The following LRRC1 variants were observed in gnomAD, a reference collection of about 807,000 sequenced individuals.
The protein encoded by LRRC1 is leucine-rich repeat-containing protein 1.
In LRRC1, 28 loss-of-function variants were observed where a neutral mutation model predicts 69.9. The observed-to-expected ratio is 0.40, with a 90% CI of 0.30 to 0.55. The LOEUF (loss-of-function observed/expected upper bound fraction) is 0.55, where lower values mean the gene tolerates loss of function less well. Ranked by LOEUF, LRRC1 falls within the 20% of genes least tolerant of loss-of-function variation. LRRC1 has a pLI of 0.47. For synonymous variants in LRRC1, 236 were observed against 240.2 expected (o/e 0.98, Z 0.16); for missense variants, 498 against 609.0 (o/e 0.82, Z 1.92).
intron 6 of LRRC1, 80 bp from the exon 7 acceptor site, chr6:53,897,205 T>C (rs980456509): frequency 4.3e-6 from 4 of 926,328 alleles, no homozygotes; most frequent in Non-Finnish European, 6.7e-6. Flanking sequence ...TGTTAACAGA[T>C]GAATTCAGTT....
intron 8 of LRRC1, among the ~76,000 whole-genome samples, chr6:53,901,612 C>T (rs1461719955): frequency 6.6e-6 from 1 of 151,896 alleles, no homozygotes; most frequent in African/African-American, 2.4e-5. Flanking sequence ...AAATGAGTAC[C>T]TTGTCACTAG....
rs370583469 is a variant in LRRC1, at chr6:53,920,459, G to T, written c.1280-166G>T. 1.0e-3 allele frequency: 600 copies of T among 577,784 alleles called. 5 individuals carry two copies. The highest frequency in any genetic ancestry group is 9.8e-3 in the African/African-American group (524 of 53,732). 35.8% of individuals were successfully genotyped at this position (577,784 alleles called of 1,614,324 possible). On this transcript the variant is annotated intron_variant, in intron 12 of 13. Transcript: ENST00000370888. ...TTTTCTTTTTGTTTTTGAATTTTGTGTGTGTTTGTGTTTTAAAGCCAAACT... is the reference window on the plus strand; with the variant it reads ...TTTTCTTTTTGTTTTTGAATTTTGTTTGTGTTTGTGTTTTAAAGCCAAACT...
chr6:53,815,601 T>C (rs1333202487), intron 1 of LRRC1, among the ~76,000 whole-genome samples: 1 of 152,222 alleles, frequency 6.6e-6, no homozygotes, highest in Non-Finnish European at 1.5e-5. Context: ...CAGTTGTTTA[T>C]AATTTTGTCC....
At chr6:53,804,360 A>G (rs1396528835) in intron 1 of LRRC1, among the ~76,000 whole-genome samples, 1 of 152,132 alleles carries the variant, frequency 6.6e-6, no homozygotes, top group Non-Finnish European at 1.5e-5. Flanking sequence ...AATACCCATC[A>G]CCTCACATAT....
At chr6:53,798,206 C>T (rs1204712321) in intron 1 of LRRC1, among the ~76,000 whole-genome samples, 5 of 152,082 alleles carry the variant, frequency 3.3e-5, no homozygotes, top group Non-Finnish European at 7.3e-5. Context: ...TGCATCAGAT[C>T]CCTCATCTTC....
At chr6:53,868,572 C>T (rs373024964) in intron 2 of LRRC1, among the ~76,000 whole-genome samples, 122 of 152,244 alleles carry the variant, frequency 8.0e-4, no homozygotes, top group African/African-American at 2.7e-3. Context: ...TGGAAAACAG[C>T]GGTCATCTCT....
chr6:53,811,392 A>G (rs926361675), intron 1 of LRRC1, among the ~76,000 whole-genome samples: 1 of 152,204 alleles, frequency 6.6e-6, no homozygotes, highest in African/African-American at 2.4e-5. Flanking sequence ...CAGAGGGTCA[A>G]CAGTAGCACA....
chr6:53,904,411 G>A lies in LRRC1; in HGVS notation c.939G>A (p.Lys313=), dbSNP rs1182568256. The change falls in exon 10 of 14, where the codon AAG becomes AAA. Residue 313 remains lysine (K), a synonymous_variant. Transcript: ENST00000370888. The stretch of plus-strand genomic sequence containing the variant: ...CTAAAAGCATTGGAAAACTAAAGAA[G>A]TTGAGCAACTTGAATGCAGACAGAA... ...TLPKSIGKLK[K]LSNLNADRNK... is the part of the protein sequence containing the mutation. The A allele has an allele frequency of 6.2e-7, 1 of 1,612,282 alleles. No individual in the cohort carries two copies. The highest frequency in any genetic ancestry group is 8.5e-7 in the Non-Finnish European group (1 of 1,179,188).
rs10580267 is a variant in LRRC1, at chr6:53,812,689, CAAA to C, written c.159+17297_159+17299del. On this transcript the variant is annotated intron_variant, in intron 1 of 13. Transcript: ENST00000370888. ...TGGGCAAGAGTGCAAGACTCCGTCT[CAAA>C]AAAAAAAAAAAAAAAAAAAAAATTT... Among the ~76,000 whole-genome samples, 760 of 79,098 alleles carry C rather than the reference CAAA, an allele frequency of 9.6e-3. 3 individuals are homozygous for C. Among genetic ancestry groups the C allele is most frequent in the South Asian group, 0.05 (104 of 2,076 alleles). The allele number at this position is 79,098 out of a possible 152,430, so 51.9% of individuals were successfully genotyped here.
chr6:53,882,025 G>A (rs1767307594), intron 3 of LRRC1, among the ~76,000 whole-genome samples: 1 of 152,050 alleles, frequency 6.6e-6, no homozygotes, highest in Admixed American at 6.5e-5. Flanking sequence ...TCAAGTGGTT[G>A]GCAACTTAAA....
intron 8 of LRRC1, 67 bp downstream of exon 8, chr6:53,899,958 CTT>C (rs1767996423): frequency 7.2e-7 from 1 of 1,382,150 alleles, no homozygotes; most frequent in African/African-American, 1.5e-5. Context: ...TTGGGGCACA[CTT>C]TGATCCTTTG....
intron 11 of LRRC1, among the ~76,000 whole-genome samples, chr6:53,915,228 G>A (rs1768526429): frequency 6.6e-6 from 1 of 152,098 alleles, no homozygotes; most frequent in Non-Finnish European, 1.5e-5. Context: ...GGTCATTTTG[G>A]TCAGGCACGG....
intron 3 of LRRC1, among the ~76,000 whole-genome samples, chr6:53,882,368 A>G (rs1249645111): frequency 1.3e-5 from 2 of 152,194 alleles, no homozygotes; most frequent in East Asian, 1.9e-4. Flanking sequence ...GAAAGTAGCA[A>G]TTGTCTGTCA....
At chr6:53,876,377 C>T (rs1767069978) in intron 2 of LRRC1, among the ~76,000 whole-genome samples, 1 of 152,142 alleles carries the variant, frequency 6.6e-6, no homozygotes. Context: ...CCATATCATT[C>T]TGCCCCTGGC....
intron 4 of LRRC1, among the ~76,000 whole-genome samples, chr6:53,891,150 C>A (rs1581902838): frequency 1.3e-5 from 2 of 152,188 alleles, no homozygotes; most frequent in East Asian, 3.9e-4. Flanking sequence ...AGAAGAAATA[C>A]TTCATGTATT....
rs1386290314 is a variant in LRRC1 at position 53,904,478 on chromosome 6, G to T, written c.990+16G>T. 3.5e-6 allele frequency: 5 copies of T among 1,429,330 alleles called. No homozygotes were observed. The highest frequency in any genetic ancestry group is 4.9e-6 in the Non-Finnish European group (5 of 1,024,682). The allele number at this position is 1,429,330 out of a possible 1,614,324, so 88.5% of individuals were successfully genotyped here. ...ACCAAAAGAGGTATGTGCTTTTAGA[G>T]AAATCACATGATAATAATTATGAAG... On this transcript the variant is annotated intron_variant, in intron 10 of 13. Transcript: ENST00000370888.
chr6:53,822,214 G>A (rs913003132), intron 1 of LRRC1, among the ~76,000 whole-genome samples: 3 of 152,138 alleles, frequency 2.0e-5, no homozygotes, highest in Non-Finnish European at 2.9e-5. Flanking sequence ...AGGAGTTGGG[G>A]AGGATACAGC....
rs532693577 is a variant in LRRC1 at position 53,920,826 on chromosome 6, A to C, written c.1416+65A>C. On this transcript the variant is annotated intron_variant, in intron 13 of 13. Transcript: ENST00000370888. ...AATTAAAAGATTAGAATGGCACCTAATAAGGATATTCTTTATTTTCAATTA... is the reference window on the plus strand; with the variant it reads ...AATTAAAAGATTAGAATGGCACCTACTAAGGATATTCTTTATTTTCAATTA... 24 of 1,546,954 alleles carry C rather than the reference A, an allele frequency of 1.6e-5. No individual in the cohort carries two copies. In the East Asian group the frequency reaches 5.4e-4, roughly 35 times the overall value.
At chr6:53,803,966 A>G (rs114561821) in intron 1 of LRRC1, among the ~76,000 whole-genome samples, 2,258 of 152,244 alleles carry the variant, frequency 0.015, 68 homozygotes, top group African/African-American at 0.051. Flanking sequence ...GCCTGAGTCA[A>G]ATGAGCAGTT....
Sources: gnomAD v4.1 joint callset for allele counts (sites outside exome capture counted in the v4.1 genomes callset) on GRCh38, gnomAD v4.1.1 for gene constraint, MANE v1.5 for transcripts, NCBI Gene and HGNC (gene_info 2026-07-23, HGNC 2026-07-21) for gene names.